The following MLXIPL variants were observed in gnomAD, a reference collection of about 807,000 sequenced individuals.
MLXIPL encodes the protein MLX interacting protein like, also known as carbohydrate-responsive element-binding protein.
Under a neutral mutation model 81.5 loss-of-function variants are expected in MLXIPL, and 49 were observed. The ratio of observed to expected loss-of-function variants is 0.60; its 90% confidence interval spans 0.48 to 0.76. MLXIPL has a LOEUF of 0.76. MLXIPL is among the 30% of genes least tolerant of loss of function. The pLI, the probability that MLXIPL is intolerant of heterozygous loss-of-function variation, is 0.00. For synonymous variants in MLXIPL, 466 were observed against 485.5 expected (o/e 0.96, Z 0.53); for missense variants, 1,053 against 1,167.0 (o/e 0.90, Z 1.42).
At chr7:73,594,095 C>A in intron 16 of MLXIPL, 112 bp from the exon 17 acceptor site, 1 of 1,364,032 alleles carries the variant, frequency 7.3e-7, no homozygotes, top group Non-Finnish European at 1.0e-6. Flanking sequence ...ACTGTCACCC[C>A]CTCCTAGAAC....
At chr7:73,636,749 G>T in the MLXIPL span, among the ~76,000 whole-genome samples, 18 of 151,942 alleles carry the variant, frequency 1.2e-4, no homozygotes, top group Admixed American at 6.6e-5. Flanking sequence ...AGAGTGTCTA[G>T]AAGCACTTAT....
At chr7:73,610,896 T>C (rs1321166364) in intron 2 of MLXIPL, 1 of 152,040 alleles carries the variant, frequency 6.6e-6, no homozygotes, top group Non-Finnish European at 1.5e-5. Flanking sequence ...TGATCTTGGC[T>C]CACCACAACC....
rs55639253 is a variant in MLXIPL at position 73,601,176 on chromosome 7, A to AGTGTGTGTGTGTGTGT, written c.902-1497_902-1482dup. 2.7e-3 allele frequency among the ~76,000 whole-genome samples: 377 copies of AGTGTGTGTGTGTGTGT among 137,696 alleles called. 2 individuals are homozygous for AGTGTGTGTGTGTGTGT. Among genetic ancestry groups the AGTGTGTGTGTGTGTGT allele is most frequent in the African/African-American group, 5.7e-3 (207 of 36,410 alleles). The allele number at this position is 137,696 out of a possible 152,430, so 90.3% of individuals were successfully genotyped here. A position where few individuals can be genotyped will look rare whatever the true frequency, so the allele number is the denominator to read the frequency against. ...AAACCCAGAACCCACTGCAGGGTCA[A>AGTGTGTGTGTGTGTGT]GTGTGTGTGTGTGTGTGTGTGTGTG... On this transcript the variant is annotated intron_variant, in intron 7 of 16. Transcript: ENST00000313375.
chr7:73,602,115 C>A, intron 7 of MLXIPL, among the ~76,000 whole-genome samples: 1 of 141,638 alleles, frequency 7.1e-6, no homozygotes, highest in Non-Finnish European at 1.5e-5. Flanking sequence ...TGCCTGCCTG[C>A]CTGCCTGCCT....
rs191717467 is a variant in MLXIPL, at chr7:73,612,671, G to A, written c.400+3400C>T. Among the ~76,000 whole-genome samples, 420 of 151,264 alleles carry A rather than the reference G, an allele frequency of 2.8e-3. 2 individuals carry two copies. Among genetic ancestry groups the A allele is most frequent in the African/African-American group, 9.7e-3 (399 of 41,246 alleles). ...AAAAAAAAAAAAAAGTTTGTCCAGG[G>A]CTCTCAGAAAGTCAGGGCCAAGTGA... On this transcript the variant is annotated intron_variant, in intron 2 of 16. Transcript: ENST00000313375.
rs1438018051 is a variant in MLXIPL, at chr7:73,595,738, C to T, written c.2209G>A (p.Ala737Thr). The change falls in exon 15 of 17, where the codon GCC becomes ACC. Residue 737 changes from alanine (A) to threonine (T), a missense_variant. Ala to Thr is a moderately conservative substitution (Grantham distance 58, BLOSUM62 0). This residue lies in a region of MLXIPL where 823 missense variants were observed against 933.0 expected (regional missense o/e 0.88). Transcript: ENST00000313375. Reference protein sequence around the residue: ...AINLCQQQLPATGVPITHQRF... With the variant: ...AINLCQQQLPTTGVPITHQRF... ...TGGTGTGTGATGGGTACCCCTGTGG[C>T]GGGCAGCTGCTGCTGGCACAGGCTG... The T allele has an allele frequency of 8.1e-6, 13 of 1,607,168 alleles. No homozygotes were observed. Among genetic ancestry groups the T allele is most frequent in the African/African-American group, 6.7e-5 (5 of 74,738 alleles).
chr7:73,595,671 C>A lies in MLXIPL; in HGVS notation c.2276G>T (p.Arg759Leu). 1 of 1,614,158 alleles carries A rather than the reference C, an allele frequency of 6.2e-7. No individual in the cohort carries two copies. The highest frequency in any genetic ancestry group is 8.5e-7 in the Non-Finnish European group (1 of 1,180,010). The change falls in exon 15 of 17, where the codon CGA becomes CTA. Residue 759 changes from arginine (R) to leucine (L), a missense_variant. Physicochemically the swap from Arg to Leu is moderately radical, Grantham distance 102. This residue lies in a region of MLXIPL where 823 missense variants were observed against 933.0 expected (regional missense o/e 0.88). Coordinates refer to ENST00000313375, the MANE Select transcript of MLXIPL (RefSeq NM_032951.3). ...CTTCCAGTTGTGCAGCGTACGGGTTCGGACGTAGTCATCAAACATGTCTCG... is the reference window on the plus strand; with the variant it reads ...CTTCCAGTTGTGCAGCGTACGGGTTAGGACGTAGTCATCAAACATGTCTCG... ...QMRDMFDDYVRTRTLHNWKFW... is the reference protein window; with the variant it reads ...QMRDMFDDYVLTRTLHNWKFW...
At chr7:73,635,499 C>G in the MLXIPL span, among the ~76,000 whole-genome samples, 1 of 152,036 alleles carries the variant, frequency 6.6e-6, no homozygotes, top group Admixed American at 6.6e-5. Flanking sequence ...ACCTTACTAT[C>G]CACCCATCTC....
At position 73,593,788 on chromosome 7, in the gene MLXIPL, A is replaced by G. The variant is rs1377358642; in HGVS notation, c.*77T>C. ...GGCCTGGGGCAGGAAGGGAGTGCCC[A>G]GAGATGATCCCTGGAGCCCGTGCCC... On this transcript the variant is annotated 3_prime_UTR_variant, in exon 17 of 17. Coordinates refer to ENST00000313375, the MANE Select transcript of MLXIPL (RefSeq NM_032951.3). 1 of 1,276,628 alleles carries G rather than the reference A, an allele frequency of 7.8e-7. No individual in the cohort carries two copies. Among genetic ancestry groups the G allele is most frequent in the East Asian group, 2.3e-5 (1 of 43,238 alleles). The allele number at this position is 1,276,628 out of a possible 1,614,324, so 79.1% of individuals were successfully genotyped here. A position where few individuals can be genotyped will look rare whatever the true frequency, so the allele number is the denominator to read the frequency against.
rs782546883 is a variant in MLXIPL, at chr7:73,595,909, G to A, written c.2119C>T (p.Arg707Cys). The A allele has an allele frequency of 8.1e-6, 13 of 1,613,068 alleles. No homozygotes were observed. Among genetic ancestry groups the A allele is most frequent in the African/African-American group, 1.3e-5 (1 of 74,930 alleles). ...AEYILMLQQE[R>C]AGLQEEAQQL... ...TGGGCCTCCTCCTGCAAGCCCGCACGCTCCTGCTGTAGCATAAGGATGTAC... is the reference window on the plus strand; with the variant it reads ...TGGGCCTCCTCCTGCAAGCCCGCACACTCCTGCTGTAGCATAAGGATGTAC... Residue 707 changes from arginine (R) to cysteine (C), a missense_variant, in exon 14 of 17, where the codon CGT becomes TGT. By Grantham distance (180) the Arg-to-Cys change is radical. Around this residue, in one of 3 missense-constraint regions of MLXIPL, gnomAD observed 823 missense variants for 933.0 expected, o/e 0.88. Transcript: ENST00000313375.
At position 73,606,856 on chromosome 7, in the gene MLXIPL, T is replaced by C. The variant is rs1420407965; in HGVS notation, c.618+118A>G. 4 of 1,136,122 alleles carry C rather than the reference T, an allele frequency of 3.5e-6. No individual in the cohort carries two copies. The East Asian group carries it at 1.0e-4, about 29-fold the overall frequency. 70.4% of individuals were successfully genotyped at this position (1,136,122 alleles called of 1,614,324 possible). A position where few individuals can be genotyped will look rare whatever the true frequency, so the allele number is the denominator to read the frequency against. On this transcript the variant is annotated intron_variant, in intron 5 of 16. Coordinates refer to ENST00000313375, the MANE Select transcript of MLXIPL (RefSeq NM_032951.3). ...CACAGGATGGCAGTAACATCCCACA[T>C]TCCACCCTCATGCCCAGCCACTGTC... is the stretch of plus-strand genomic sequence containing the variant.
Position 73,596,724 on chromosome 7 carries a change from C to T in MLXIPL, c.1737G>A (p.Arg579=). ...LPPTPAPTPP[R]PPPGPATLAP... ...CCAATGTGGCCGGGCCTGGAGGTGGCCGGGGCGGTGTAGGGGCCGGGGTCG... is the reference window on the plus strand; with the variant it reads ...CCAATGTGGCCGGGCCTGGAGGTGGTCGGGGCGGTGTAGGGGCCGGGGTCG... The change falls in exon 11 of 17, where the codon CGG becomes CGA. Residue 579 remains arginine (R), a synonymous_variant. Transcript: ENST00000313375. This position sits in a 1 kb window ranked among gnomAD's most constrained non-coding sequence, Gnocchi z 4.7. 1 of 1,590,630 alleles carries T rather than the reference C, an allele frequency of 6.3e-7. No homozygotes were observed. Among genetic ancestry groups the T allele is most frequent in the South Asian group, 1.1e-5 (1 of 88,002 alleles).
chr7:73,611,038 G>T (rs1554599625), intron 2 of MLXIPL: 1 of 152,032 alleles, frequency 6.6e-6, no homozygotes, highest in African/African-American at 2.4e-5. Flanking sequence ...TGGCAAGGCT[G>T]GTCTCGAACT....
chr7:73,604,288 C>T (rs1223385805), intron 7 of MLXIPL, among the ~76,000 whole-genome samples: 15 of 135,562 alleles, frequency 1.1e-4, no homozygotes, highest in African/African-American at 3.6e-4. Context: ...TTTAAAATAA[C>T]GCACTGGGCA....
the MLXIPL span, among the ~76,000 whole-genome samples, chr7:73,637,892 T>C: frequency 6.6e-6 from 1 of 152,146 alleles, no homozygotes; most frequent in South Asian, 2.1e-4. Flanking sequence ...CAGTGGGGGA[T>C]TCCCAAATGG....
intron 2 of MLXIPL, chr7:73,609,828 C>T (rs528346864): frequency 6.6e-6 from 1 of 152,100 alleles, no homozygotes; most frequent in Non-Finnish European, 1.5e-5. Context: ...TATACCACTG[C>T]ACCCAGCTAA....
rs1794620895 is a variant in MLXIPL, at chr7:73,599,580, C to T, written c.1017G>A (p.Glu339=). The change falls in exon 8 of 17, where the codon GAG becomes GAA. Residue 339 remains glutamate (E), a synonymous_variant. Coordinates refer to ENST00000313375, the MANE Select transcript of MLXIPL (RefSeq NM_032951.3). ...SLFSSGTLGP[E]VPPASSAMTH... is the part of the protein sequence containing the mutation. The stretch of plus-strand genomic sequence containing the variant: ...TCATGGCCGAGGAAGCCGGGGGCAC[C>T]TCTGGGCCCAGGGTCCCACTGCTGA... 1 of 1,612,808 alleles carries T rather than the reference C, an allele frequency of 6.2e-7. No individual in the cohort carries two copies. Among genetic ancestry groups the T allele is most frequent in the African/African-American group, 1.3e-5 (1 of 74,854 alleles).
intron 1 of MLXIPL, among the ~76,000 whole-genome samples, chr7:73,618,673 C>T (rs2116479926): frequency 6.6e-6 from 1 of 151,702 alleles, no homozygotes; most frequent in East Asian, 2.0e-4. Context: ...TGGGCCCCTC[C>T]CTCTGAGAAT....
chr7:73,602,211 C>CTCTTTCTT (rs10653440), intron 7 of MLXIPL, among the ~76,000 whole-genome samples: 2 of 133,200 alleles, frequency 1.5e-5, no homozygotes, highest in Non-Finnish European at 3.1e-5. Flanking sequence ...CTCTCTTTCT[C>CTCTTTCTT]TCTTTCTTTC....
Sources: allele counts gnomAD v4.1 joint callset (sites outside exome capture counted in the v4.1 genomes callset), GRCh38; gene constraint gnomAD v4.1.1; regional missense constraint gnomAD v4.1.1; non-coding constraint Gnocchi (gnomAD v3.1); transcripts MANE v1.5; gene names NCBI Gene and HGNC (gene_info 2026-07-23, HGNC 2026-07-21).